Variants in LRRK2 observed in about 807,000 individuals in gnomAD.
The protein encoded by LRRK2 is leucine rich repeat kinase 2, also known as leucine-rich repeat serine/threonine-protein kinase 2.
A neutral mutation model predicts 302.6 loss-of-function variants in LRRK2; 203 were observed. That is an observed-to-expected ratio of 0.67 (90% CI 0.60 to 0.75). The LOEUF (loss-of-function observed/expected upper bound fraction) is 0.75, where lower values mean the gene tolerates loss of function less well. LRRK2 is among the 30% of genes least tolerant of loss of function. The pLI is 0.00. For missense variants in LRRK2, 2,830 were observed against 2,951.0 expected (o/e 0.96, Z 0.95); for synonymous variants, 1,066 against 1,031.9 (o/e 1.03, Z -0.63).
At chr12:40,355,212 T>C (rs1946489757) in intron 45 of LRRK2, among the ~76,000 whole-genome samples, 1 of 152,186 alleles carries the variant, frequency 6.6e-6, no homozygotes, top group South Asian at 2.1e-4. Flanking sequence ...GAGTTGAAAT[T>C]ATTTGAATAT....
chr12:40,258,531 T>G (rs974229106), intron 12 of LRRK2, among the ~76,000 whole-genome samples: 3 of 152,212 alleles, frequency 2.0e-5, no homozygotes, highest in Non-Finnish European at 4.4e-5. Context: ...TGTTTCTCGC[T>G]GCATGCTCTT....
At chr12:40,302,212 A>T (rs1777712625) in intron 25 of LRRK2, among the ~76,000 whole-genome samples, 1 of 152,010 alleles carries the variant, frequency 6.6e-6, no homozygotes, top group African/African-American at 2.4e-5. Context: ...AATAAAAAAT[A>T]AAAAAATCAT....
At chr12:40,297,687 A>G (rs1182964585) in intron 23 of LRRK2, among the ~76,000 whole-genome samples, 2 of 152,148 alleles carry the variant, frequency 1.3e-5, no homozygotes, top group East Asian at 1.9e-4. Flanking sequence ...AAATTGACAT[A>G]ATGTGTAAGT....
intron 39 of LRRK2, among the ~76,000 whole-genome samples, chr12:40,330,099 G>A (rs182522640): frequency 5.3e-5 from 8 of 152,170 alleles, no homozygotes; most frequent in Middle Eastern, 3.4e-3. Flanking sequence ...TAGTTTCCTC[G>A]CCCTCTTTGA....
chr12:40,323,104 T>C, intron 37 of LRRK2, 56 bp from the exon 38 acceptor site: 3 of 1,494,972 alleles, frequency 2.0e-6, no homozygotes, highest in South Asian at 1.2e-5. Context: ...AAACCACAAA[T>C]TTATGTATCT....
At chr12:40,323,113 C>A in intron 37 of LRRK2, 47 bp from the exon 38 acceptor site, 1 of 1,522,794 alleles carries the variant, frequency 6.6e-7, no homozygotes, top group Non-Finnish European at 9.1e-7. Flanking sequence ...ATTTATGTAT[C>A]TCCTTAAATG....
chr12:40,340,543 C>T, intron 41 of LRRK2, 89 bp downstream of exon 41: 1 of 1,301,922 alleles, frequency 7.7e-7, no homozygotes, highest in South Asian at 1.2e-5. Context: ...AAAAGGAAAA[C>T]AGAGTCTATC....
intron 48 of LRRK2, among the ~76,000 whole-genome samples, chr12:40,364,437 G>A (rs1004402255): frequency 2.6e-5 from 4 of 151,774 alleles, no homozygotes; most frequent in Middle Eastern, 3.2e-3. Flanking sequence ...GGTTTGTATC[G>A]ATATCTTTTA....
At chr12:40,346,553 G>A (rs957764860) in intron 41 of LRRK2, among the ~76,000 whole-genome samples, 200 bp from the exon 42 acceptor site, 22 of 152,172 alleles carry the variant, frequency 1.4e-4, no homozygotes, top group African/African-American at 5.3e-4. Context: ...GTCCTGTGTG[G>A]TCAACCTTGG....
intron 35 of LRRK2, among the ~76,000 whole-genome samples, chr12:40,321,570 T>TTTCCC (rs1945403348): frequency 6.6e-6 from 1 of 152,058 alleles, no homozygotes. Context: ...AATAGAGACA[T>TTTCCC]TTTGGTACTC....
intron 19 of LRRK2, chr12:40,286,683 T>G (rs892310051): frequency 6.5e-6 from 1 of 152,902 alleles, no homozygotes; most frequent in African/African-American, 2.4e-5. Flanking sequence ...GTAGTAATAT[T>G]TGAAGTCATT....
intron 18 of LRRK2, among the ~76,000 whole-genome samples, chr12:40,280,998 G>A (rs1943669431): frequency 6.6e-6 from 1 of 151,544 alleles, no homozygotes; most frequent in Non-Finnish European, 1.5e-5. Context: ...AACCTGGAAG[G>A]CGGAGCTTGC....
chr12:40,319,072 G>C (rs539225782), intron 33 of LRRK2, among the ~76,000 whole-genome samples: 1 of 152,082 alleles, frequency 6.6e-6, no homozygotes, highest in African/African-American at 2.4e-5. Flanking sequence ...TTCTGTTTAA[G>C]TATTCCTTAA....
intron 11 of LRRK2, among the ~76,000 whole-genome samples, chr12:40,255,326 G>A (rs1942453220): frequency 1.3e-5 from 2 of 152,304 alleles, no homozygotes; most frequent in African/African-American, 4.8e-5. Context: ...TGACTATTGA[G>A]TAAGACCTGC....
At position 40,356,128 on chromosome 12, in the gene LRRK2, T is replaced by G; in HGVS notation, c.6784T>G (p.Phe2262Val). The G allele has an allele frequency of 6.2e-7, 1 of 1,611,336 alleles. No individual in the cohort carries two copies. The highest frequency in any genetic ancestry group is 1.3e-5 in the African/African-American group (1 of 75,026). Residue 2262 changes from phenylalanine to valine, a missense_variant, in exon 46 of 51, where the codon TTT (phenylalanine) becomes GTT (valine). Phe to Val is a conservative substitution (Grantham distance 50, BLOSUM62 -1). Coordinates refer to ENST00000298910, the MANE Select transcript of LRRK2 (RefSeq NM_198578.4). The part of the protein sequence containing the change: ...SFSKQSKQKN[F>V]LLVGTADGKL... The stretch of plus-strand genomic sequence containing the variant: ...TTTTCCTTTTAGCAAACAAAAAAAT[T>G]TTCTTTTGGTTGGAACCGCTGATGG...
At chr12:40,238,861 C>T (rs974719865) in intron 5 of LRRK2, among the ~76,000 whole-genome samples, 1 of 152,118 alleles carries the variant, frequency 6.6e-6, no homozygotes, top group Non-Finnish European at 1.5e-5. Flanking sequence ...AATTCCCTGT[C>T]TCCTCCCAGA....
intron 11 of LRRK2, among the ~76,000 whole-genome samples, chr12:40,256,568 T>C (rs1942518637): frequency 6.6e-6 from 1 of 152,262 alleles, no homozygotes; most frequent in South Asian, 2.1e-4. Flanking sequence ...TCCTAGACTT[T>C]GGCATTACTT....
intron 33 of LRRK2, among the ~76,000 whole-genome samples, chr12:40,316,766 C>T (rs768981124): frequency 3.9e-5 from 6 of 152,050 alleles, no homozygotes; most frequent in Admixed American, 6.6e-5. Context: ...GAGGTACTTA[C>T]GTAGTTTTGG....
At chr12:40,248,076 G>T (rs1942090076) in intron 7 of LRRK2, among the ~76,000 whole-genome samples, 1 of 151,994 alleles carries the variant, frequency 6.6e-6, no homozygotes, top group Admixed American at 6.6e-5. Flanking sequence ...TGAGAAGGTT[G>T]TAGTTGTACA....
Sources: allele counts gnomAD v4.1 joint callset (sites outside exome capture counted in the v4.1 genomes callset), GRCh38; gene constraint gnomAD v4.1.1; transcripts MANE v1.5; gene names NCBI Gene and HGNC (gene_info 2026-07-23, HGNC 2026-07-21).